Variants in DNAAF1 observed in about 807,000 individuals in gnomAD.
DNAAF1 encodes dynein assembly factor 1, axonemal.
A neutral mutation model predicts 71.1 loss-of-function variants in DNAAF1; 65 were observed. The ratio of observed to expected loss-of-function variants is 0.91; its 90% CI spans 0.75 to 1.12. The LOEUF (loss-of-function observed/expected upper bound fraction) is 1.12, where lower values mean the gene tolerates loss of function less well. DNAAF1 is among the 50% of genes most tolerant of loss of function. DNAAF1 has a pLI of 0.00. For missense variants in DNAAF1, 1,178 were observed against 899.8 expected (o/e 1.31, Z -3.96); for synonymous variants, 414 against 354.6 (o/e 1.17, Z -1.88).
intron 7 of DNAAF1, 172 bp downstream of exon 7, chr16:84,166,121 T>C: frequency 1.1e-6 from 1 of 870,230 alleles, no homozygotes; most frequent in African/African-American, 1.7e-5. Flanking sequence ...CAGTGTGATC[T>C]TGGCTCACTG....
rs561672043 is a variant in DNAAF1, at chr16:84,162,692, G to A, written c.863+2896G>A. 2.8e-3 allele frequency among the ~76,000 whole-genome samples: 425 copies of A among 152,110 alleles called. 2 individuals are homozygous for A. The highest frequency in any genetic ancestry group is 9.3e-3 in the African/African-American group (385 of 41,476). ...AAATTAGCTGGGTGTGGTGGCGGGC[G>A]CCTGTAGTCCCAGCTACTTGGGAGG... On this transcript the variant is annotated intron_variant, in intron 6 of 11. Transcript: ENST00000378553.
At chr16:84,147,189 T>C (rs914784372) in intron 1 of DNAAF1, among the ~76,000 whole-genome samples, 1 of 152,258 alleles carries the variant, frequency 6.6e-6, no homozygotes, top group East Asian at 1.9e-4. Flanking sequence ...TGGTAGCTCT[T>C]GTTATTAATT....
At chr16:84,162,464 G>T (rs183275193) in intron 6 of DNAAF1, among the ~76,000 whole-genome samples, 31 of 151,932 alleles carry the variant, frequency 2.0e-4, no homozygotes, top group Non-Finnish European at 3.5e-4. Flanking sequence ...ATGGCTTTGA[G>T]TATATTCACA....
At chr16:84,167,282 C>A (rs2088065039) in intron 7 of DNAAF1, among the ~76,000 whole-genome samples, 1 of 152,130 alleles carries the variant, frequency 6.6e-6, no homozygotes, top group Non-Finnish European at 1.5e-5. Flanking sequence ...GAGCTTCATA[C>A]CCTCTCTGGC....
intron 11 of DNAAF1, 59 bp from the exon 12 acceptor site, chr16:84,177,670 C>A: frequency 6.9e-7 from 1 of 1,456,284 alleles, no homozygotes; most frequent in East Asian, 2.3e-5. Context: ...CAAGGCTGCC[C>A]CCCTGTCCTT....
chr16:84,166,846 A>T (rs2088033708), intron 7 of DNAAF1, among the ~76,000 whole-genome samples: 1 of 152,210 alleles, frequency 6.6e-6, no homozygotes, highest in Non-Finnish European at 1.5e-5. Flanking sequence ...CGGCTGCTGA[A>T]AGTAGGAAAA....
intron 6 of DNAAF1, among the ~76,000 whole-genome samples, chr16:84,160,983 T>G (rs2151238455): frequency 6.7e-6 from 1 of 149,884 alleles, no homozygotes; most frequent in African/African-American, 2.4e-5. Flanking sequence ...CCTGGGAGGT[T>G]CAACAGAAAT....
intron 11 of DNAAF1, chr16:84,176,586 TCTC>T (rs1248307154): frequency 1.9e-6 from 1 of 517,664 alleles, no homozygotes; most frequent in East Asian, 3.5e-5. Context: ...GTCATGCAGA[TCTC>T]CTGGGGCGGG....
chr16:84,153,224 A>G (rs1038512760), intron 3 of DNAAF1, among the ~76,000 whole-genome samples: 4 of 152,162 alleles, frequency 2.6e-5, no homozygotes, highest in Admixed American at 6.6e-5. Context: ...TACTTCCACT[A>G]TAAAAATTTT....
intron 3 of DNAAF1, among the ~76,000 whole-genome samples, chr16:84,152,910 T>C (rs1258594316): frequency 3.3e-5 from 5 of 151,872 alleles, no homozygotes; most frequent in Admixed American, 2.0e-4. Context: ...TGAGCCGAGA[T>C]TGTGCAATTG....
At chr16:84,148,438 TA>T (rs199824913) in intron 1 of DNAAF1, among the ~76,000 whole-genome samples, 2 of 150,414 alleles carry the variant, frequency 1.3e-5, no homozygotes, top group East Asian at 1.9e-4. Context: ...TTGGCTTTTA[TA>T]AAAAAAAACG....
intron 5 of DNAAF1, chr16:84,159,302 GAAGAA>G (rs1283600544): frequency 9.5e-7 from 1 of 1,049,536 alleles, no homozygotes; most frequent in East Asian, 7.3e-5. Flanking sequence ...TCCTGGCTGG[GAAGAA>G]AAGAAAACAA....
intron 3 of DNAAF1, 35 bp from the exon 4 acceptor site, chr16:84,154,542 A>C: frequency 1.3e-4 from 199 of 1,586,882 alleles, no homozygotes; most frequent in Non-Finnish European, 1.5e-4. Flanking sequence ...CCCTGGGAGT[A>C]GGAGCTTAAT....
At chr16:84,157,321 G>GT (rs2087486716) in intron 5 of DNAAF1, among the ~76,000 whole-genome samples, 1 of 151,898 alleles carries the variant, frequency 6.6e-6, no homozygotes, top group Non-Finnish European at 1.5e-5. Flanking sequence ...CCAGGAGTTT[G>GT]AGACCAGCCT....
rs1171690173 is a variant in DNAAF1, at chr16:84,175,932, G to C, written c.1699-1G>C. The stretch of plus-strand genomic sequence containing the variant: ...TCAGACACCTTTTCTTCTGTAAATA[G>C]AATATGTGCTTTCCGAAGATTGAGG... On this transcript the variant is annotated splice_acceptor_variant, in intron 10 of 11. Transcript: ENST00000378553. LOFTEE classifies it high-confidence loss of function. 3 of 1,614,044 alleles carry C rather than the reference G, an allele frequency of 1.9e-6. No individual in the cohort carries two copies. The highest frequency in any genetic ancestry group is 2.5e-6 in the Non-Finnish European group (3 of 1,180,030).
chr16:84,149,213 G>T, intron 2 of DNAAF1, 71 bp downstream of exon 2: 1 of 1,580,082 alleles, frequency 6.3e-7, no homozygotes, highest in Non-Finnish European at 8.7e-7. Flanking sequence ...CCCCTTGTAC[G>T]GATAATGAAA....
intron 6 of DNAAF1, among the ~76,000 whole-genome samples, chr16:84,161,933 G>GCTCTTACAT (rs2087734392): frequency 6.6e-6 from 1 of 152,156 alleles, no homozygotes; most frequent in African/African-American, 2.4e-5. Context: ...ACAGAGATCA[G>GCTCTTACAT]CTCTTACATT....
intron 5 of DNAAF1, among the ~76,000 whole-genome samples, chr16:84,157,051 C>A (rs903508305): frequency 6.6e-6 from 1 of 151,770 alleles, no homozygotes; most frequent in African/African-American, 2.4e-5. Flanking sequence ...TGGGTTTTGC[C>A]ATATTGCTCA....
intron 3 of DNAAF1, among the ~76,000 whole-genome samples, chr16:84,152,453 G>T (rs2087229909): frequency 6.6e-6 from 1 of 151,912 alleles, no homozygotes; most frequent in South Asian, 2.1e-4. Context: ...GACCAGTCTG[G>T]CCAACATGGT....
Sources: allele counts gnomAD v4.1 joint callset (sites outside exome capture counted in the v4.1 genomes callset), GRCh38; gene constraint gnomAD v4.1.1; transcripts MANE v1.5; gene names NCBI Gene and HGNC (gene_info 2026-07-23, HGNC 2026-07-21).